Variants in SGMS2 observed in about 807,000 individuals in gnomAD.
SGMS2 encodes the protein phosphatidylcholine:ceramide cholinephosphotransferase 2.
SGMS2 carries 21 observed loss-of-function variants against 43.8 expected under a neutral mutation model. The ratio of observed to expected loss-of-function variants is 0.48; its 90% CI spans 0.34 to 0.69. The LOEUF (loss-of-function observed/expected upper bound fraction) is 0.69, where lower values mean the gene tolerates loss of function less well. Ranked by LOEUF, SGMS2 falls within the 30% of genes least tolerant of loss-of-function variation. The pLI, the probability that SGMS2 is intolerant of heterozygous loss-of-function variation, is 0.01. For synonymous variants in SGMS2, 167 were observed against 160.6 expected (o/e 1.04, Z -0.30); for missense variants, 384 against 443.2 (o/e 0.87, Z 1.20).
At chr4:107,853,455 C>G (rs1027632269) in intron 1 of SGMS2, among the ~76,000 whole-genome samples, 2 of 152,180 alleles carry the variant, frequency 1.3e-5, no homozygotes, top group African/African-American at 4.8e-5. Flanking sequence ...CCTTTTCTCC[C>G]TCCCCCTCAG....
chr4:107,911,088 G>C lies in SGMS2; in HGVS notation c.*535G>C, dbSNP rs538593955. On this transcript the variant is annotated 3_prime_UTR_variant, in exon 7 of 7. Coordinates refer to ENST00000690982, the MANE Select transcript of SGMS2 (RefSeq NM_001375905.1). ...CCCTGTCACGGGGAAAGTTCGGGTT[G>C]AGTCCAGGAGTGCACACTGCTGCTG... is the stretch of plus-strand genomic sequence containing the variant. 2.7e-4 allele frequency: 42 copies of C among 153,506 alleles called. 1 individual carries two copies. In the South Asian group the frequency reaches 8.6e-3, roughly 31 times the overall value. 9.5% of individuals were successfully genotyped at this position (153,506 alleles called of 1,614,324 possible). A position where few individuals can be genotyped will look rare whatever the true frequency, so the allele number is the denominator to read the frequency against.
intron 3 of SGMS2, among the ~76,000 whole-genome samples, chr4:107,898,259 T>G (rs1730835398): frequency 2.3e-5 from 1 of 43,602 alleles, no homozygotes. Context: ...TGGTGTTCCC[T>G]TCTATTTTTT....
chr4:107,904,636 G>A (rs2126146986), intron 5 of SGMS2, among the ~76,000 whole-genome samples: 1 of 152,112 alleles, frequency 6.6e-6, no homozygotes. Context: ...ATACATGTGG[G>A]GTCTTCATAC....
chr4:107,910,329 A>AT, intron 6 of SGMS2, 21 bp from the exon 7 acceptor site: 2 of 1,598,120 alleles, frequency 1.3e-6, no homozygotes, highest in African/African-American at 1.3e-5. Flanking sequence ...TCTCATTTAA[A>AT]TTTTTTTCTA....
Position 107,910,337 on chromosome 4 carries a change from C to T in SGMS2, c.895-13C>T, listed in dbSNP as rs1732016241. The T allele has an allele frequency of 6.2e-7, 1 of 1,604,960 alleles. No homozygotes were observed. Among genetic ancestry groups the T allele is most frequent in the Non-Finnish European group, 8.5e-7 (1 of 1,175,272 alleles). ...AGATATGTCTCATTTAAATTTTTTT[C>T]TACCATTTACAGAACTTGAAGGTCT... is the stretch of plus-strand genomic sequence containing the variant. On this transcript the variant is annotated splice_polypyrimidine_tract_variant and intron_variant, in intron 6 of 6. Coordinates refer to ENST00000690982, the MANE Select transcript of SGMS2 (RefSeq NM_001375905.1).
chr4:107,872,568 G>A lies in SGMS2; in HGVS notation c.-245+14015G>A, dbSNP rs145582434. ...ACCTGTAGTACCAGCTACTCAGGAGGCTAAGGCAGGAGGATTGCTTGAGCC... is the reference window on the plus strand; with the variant it reads ...ACCTGTAGTACCAGCTACTCAGGAGACTAAGGCAGGAGGATTGCTTGAGCC... On this transcript the variant is annotated intron_variant, in intron 2 of 6. Transcript: ENST00000690982. Among the ~76,000 whole-genome samples, 187 of 152,186 alleles carry A rather than the reference G, an allele frequency of 1.2e-3. 2 individuals are homozygous for A. The highest frequency in any genetic ancestry group is 4.4e-3 in the African/African-American group (182 of 41,514).
At chr4:107,850,147 C>T (rs1236472784) in intron 1 of SGMS2, among the ~76,000 whole-genome samples, 1 of 152,148 alleles carries the variant, frequency 6.6e-6, no homozygotes, top group Non-Finnish European at 1.5e-5. Context: ...TGATCCTGCT[C>T]TGGCCATGTG....
intron 1 of SGMS2, among the ~76,000 whole-genome samples, chr4:107,837,849 C>T (rs544763663): frequency 2.8e-4 from 42 of 152,106 alleles, no homozygotes; most frequent in African/African-American, 9.9e-4. Flanking sequence ...TGTGGCATAA[C>T]AGTAGAAAAA....
chr4:107,910,644 T>C lies in SGMS2; in HGVS notation c.*91T>C. 7.8e-7 allele frequency: 1 copy of C among 1,277,872 alleles called. No homozygotes were observed. Among genetic ancestry groups the C allele is most frequent in the Non-Finnish European group, 1.1e-6 (1 of 931,410 alleles). The allele number at this position is 1,277,872 out of a possible 1,614,324, so 79.2% of individuals were successfully genotyped here. A position where few individuals can be genotyped will look rare whatever the true frequency, so the allele number is the denominator to read the frequency against. ...TGTTTTTTATTTTAGGAGAACTGAC[T>C]GGTAAATGAAGAAATGGACCAAATT... On this transcript the variant is annotated 3_prime_UTR_variant, in exon 7 of 7. Transcript: ENST00000690982.
intron 4 of SGMS2, among the ~76,000 whole-genome samples, chr4:107,901,719 T>G (rs1317452279): frequency 6.6e-6 from 1 of 152,198 alleles, no homozygotes; most frequent in African/African-American, 2.4e-5. Context: ...CTTCAAAGTG[T>G]GTTTACATAA....
chr4:107,897,708 T>C (rs1332564236), intron 3 of SGMS2, among the ~76,000 whole-genome samples: 2 of 152,218 alleles, frequency 1.3e-5, no homozygotes, highest in Non-Finnish European at 2.9e-5. Context: ...TAAATTTTAA[T>C]GATATCCACT....
intron 1 of SGMS2, among the ~76,000 whole-genome samples, chr4:107,848,744 TTTAA>T (rs1726972708): frequency 1.3e-5 from 2 of 152,208 alleles, no homozygotes; most frequent in Non-Finnish European, 2.9e-5. Flanking sequence ...TTGCCCACCT[TTTAA>T]TTAGGTTATT....
intron 6 of SGMS2, 104 bp downstream of exon 6, chr4:107,908,835 C>A: frequency 1.0e-6 from 1 of 982,148 alleles, no homozygotes; most frequent in Non-Finnish European, 1.5e-6. Context: ...ACCGATGTTG[C>A]CACATTCACT....
chr4:107,856,907 G>C (rs112060495), intron 1 of SGMS2, among the ~76,000 whole-genome samples: 2 of 152,146 alleles, frequency 1.3e-5, no homozygotes, highest in African/African-American at 4.8e-5. Context: ...TTTTTAAAGT[G>C]TACAAATCAG....
chr4:107,836,175 G>A (rs141312217), intron 1 of SGMS2, among the ~76,000 whole-genome samples: 1 of 152,176 alleles, frequency 6.6e-6, no homozygotes, highest in Non-Finnish European at 1.5e-5. Flanking sequence ...GTTCAGACCG[G>A]CCACACGTCA....
At chr4:107,844,431 G>A (rs934873553) in intron 1 of SGMS2, among the ~76,000 whole-genome samples, 7 of 152,132 alleles carry the variant, frequency 4.6e-5, no homozygotes, top group African/African-American at 1.7e-4. Flanking sequence ...GATGGACATG[G>A]TGGCTCACAC....
chr4:107,858,050 C>T (rs903000329), intron 1 of SGMS2, among the ~76,000 whole-genome samples: 4 of 151,914 alleles, frequency 2.6e-5, no homozygotes, highest in Non-Finnish European at 4.4e-5. Context: ...TTAAATATCC[C>T]CTTAGAAAGG....
intron 1 of SGMS2, among the ~76,000 whole-genome samples, chr4:107,836,238 C>G (rs543323171): frequency 1.3e-5 from 2 of 152,348 alleles, no homozygotes; most frequent in African/African-American, 2.4e-5. Flanking sequence ...CACTGCAGCT[C>G]TAACCAGCCT....
intron 1 of SGMS2, among the ~76,000 whole-genome samples, chr4:107,830,733 T>A (rs944093387): frequency 1.6e-4 from 25 of 152,152 alleles, no homozygotes; most frequent in African/African-American, 6.0e-4. Context: ...GTTGGTTTTT[T>A]TTGCTTGTAA....
Sources: gnomAD v4.1 joint callset for allele counts (sites outside exome capture counted in the v4.1 genomes callset) on GRCh38, gnomAD v4.1.1 for gene constraint, MANE v1.5 for transcripts, NCBI Gene and HGNC (gene_info 2026-07-23, HGNC 2026-07-21) for gene names.